Variants in LIN28B observed in about 807,000 individuals in gnomAD.
The protein encoded by LIN28B is lin-28 RNA binding posttranscriptional regulator B, also known as protein lin-28 homolog B.
In LIN28B, 5 loss-of-function variants were observed where a neutral mutation model predicts 21.9. That is an observed-to-expected ratio of 0.23 (90% CI 0.12 to 0.48). The LOEUF is 0.48. Among genes scored for constraint, LIN28B ranks in the 20% least tolerant of loss-of-function variants. LIN28B has a pLI of 0.98. For synonymous variants in LIN28B, 109 were observed against 111.3 expected (o/e 0.98, Z 0.13); for missense variants, 245 against 310.5 (o/e 0.79, Z 1.58).
intron 3 of LIN28B, among the ~76,000 whole-genome samples, chr6:105,063,129 T>A (rs2114403801): frequency 6.6e-6 from 1 of 152,296 alleles, no homozygotes; most frequent in African/African-American, 2.4e-5. Context: ...ATTGATTCAG[T>A]GAATATTTAT....
At chr6:104,960,322 T>C (rs1769704888) in intron 2 of LIN28B, among the ~76,000 whole-genome samples, 1 of 152,160 alleles carries the variant, frequency 6.6e-6, no homozygotes, top group African/African-American at 2.4e-5. Context: ...TGGTTGTAAA[T>C]GATACAGGTA....
intron 2 of LIN28B, among the ~76,000 whole-genome samples, chr6:104,975,265 A>T (rs992052200): frequency 6.6e-6 from 1 of 151,474 alleles, no homozygotes; most frequent in African/African-American, 2.5e-5. Flanking sequence ...ATAATAGAAT[A>T]TCTAATATTT....
At chr6:105,069,569 T>TAAA in intron 3 of LIN28B, among the ~76,000 whole-genome samples, 1 of 141,854 alleles carries the variant, frequency 7.0e-6, no homozygotes, top group Non-Finnish European at 1.5e-5. Flanking sequence ...TACAAAAAAT[T>TAAA]TAAAAAAAAA....
chr6:104,979,466 C>T (rs1015613614), intron 2 of LIN28B, among the ~76,000 whole-genome samples: 5 of 152,078 alleles, frequency 3.3e-5, no homozygotes, highest in African/African-American at 1.2e-4. Flanking sequence ...GCCTTGGCCT[C>T]CCAAAGTGCT....
At chr6:105,058,664 T>C (rs1324932630) in intron 3 of LIN28B, among the ~76,000 whole-genome samples, 1 of 152,212 alleles carries the variant, frequency 6.6e-6, no homozygotes, top group Non-Finnish European at 1.5e-5. Context: ...TTTTCCAGCA[T>C]TTTTAGTTGT....
intron 2 of LIN28B, among the ~76,000 whole-genome samples, chr6:104,949,797 C>T (rs1452103249): frequency 1.3e-5 from 2 of 152,054 alleles, no homozygotes; most frequent in Admixed American, 6.6e-5. Flanking sequence ...TGTGTTGTGG[C>T]ATCTGCCAAT....
upstream of LIN28B, among the ~76,000 whole-genome samples, chr6:104,956,575 G>C (rs1407427986): frequency 6.6e-6 from 1 of 152,030 alleles, no homozygotes; most frequent in African/African-American, 2.4e-5. Context: ...ATTATCTAAA[G>C]TTTCATGGGG....
intron 2 of LIN28B, among the ~76,000 whole-genome samples, chr6:104,938,785 C>T (rs1778045173): frequency 6.6e-6 from 1 of 152,052 alleles, no homozygotes; most frequent in African/African-American, 2.4e-5. Flanking sequence ...TCATCATCGC[C>T]CCTTTCGGGT....
At chr6:105,051,936 G>T (rs1324478954) in intron 3 of LIN28B, among the ~76,000 whole-genome samples, 1 of 152,188 alleles carries the variant, frequency 6.6e-6, no homozygotes, top group Non-Finnish European at 1.5e-5. Flanking sequence ...AGTGATAAAT[G>T]CTGTGAAGAA....
At chr6:105,023,210 G>GAT (rs370667791) in intron 2 of LIN28B, among the ~76,000 whole-genome samples, 32,371 of 68,800 alleles carry the variant, frequency 0.47, 9,074 homozygotes, top group East Asian at 0.66. Context: ...GTTTCTTATG[G>GAT]ATATATATAT....
chr6:104,976,894 T>C (rs1350117970), intron 2 of LIN28B, among the ~76,000 whole-genome samples: 1 of 152,226 alleles, frequency 6.6e-6, no homozygotes, highest in Admixed American at 6.5e-5. Flanking sequence ...GCCCTTACCC[T>C]GAACATTGCT....
chr6:104,974,553 C>T (rs1770047598), intron 2 of LIN28B, among the ~76,000 whole-genome samples: 1 of 150,112 alleles, frequency 6.7e-6, no homozygotes, highest in Non-Finnish European at 1.5e-5. Context: ...ACTCTATAAA[C>T]CGTAGTGTAA....
chr6:105,004,010 G>A (rs141300157), intron 2 of LIN28B, among the ~76,000 whole-genome samples: 3,293 of 152,254 alleles, frequency 0.022, 129 homozygotes, highest in African/African-American at 0.076. Context: ...TCTGCATGCT[G>A]AGGAGCAAGG....
chr6:104,960,276 CCTA>C (rs1393707692), intron 2 of LIN28B, among the ~76,000 whole-genome samples: 4 of 152,080 alleles, frequency 2.6e-5, no homozygotes, highest in Admixed American at 2.6e-4. Flanking sequence ...AGGCAGGAAT[CCTA>C]CTGATGTTAG....
intron 2 of LIN28B, among the ~76,000 whole-genome samples, chr6:104,967,606 A>G (rs575803610): frequency 6.7e-6 from 1 of 150,010 alleles, no homozygotes; most frequent in Admixed American, 6.6e-5. Context: ...AAAAGAAAGA[A>G]AGAAATTTAT....
intron 2 of LIN28B, among the ~76,000 whole-genome samples, chr6:104,970,115 A>G (rs557050113): frequency 5.9e-5 from 9 of 152,288 alleles, no homozygotes; most frequent in Non-Finnish European, 1.0e-4. Context: ...AAAAGCTTCA[A>G]TATTGTTTAT....
chr6:104,940,128 G>A (rs1051998764), intron 2 of LIN28B: 8 of 167,780 alleles, frequency 4.8e-5, no homozygotes, highest in African/African-American at 1.9e-4. Context: ...CCAAACTTCT[G>A]GCATTGTCTA....
At chr6:105,007,256 G>C (rs1270370329) in intron 2 of LIN28B, among the ~76,000 whole-genome samples, 1 of 152,134 alleles carries the variant, frequency 6.6e-6, no homozygotes, top group African/African-American at 2.4e-5. Flanking sequence ...TATTGAAACA[G>C]TTTCAATTTG....
chr6:105,076,856 G>C (rs1402421795), intron 3 of LIN28B, among the ~76,000 whole-genome samples: 2 of 151,670 alleles, frequency 1.3e-5, no homozygotes, highest in Non-Finnish European at 2.9e-5. Context: ...CGCCTGTCTC[G>C]GTCTCCCAAA....
Sources: gnomAD v4.1 joint callset for allele counts (sites outside exome capture counted in the v4.1 genomes callset) on GRCh38, gnomAD v4.1.1 for gene constraint, MANE v1.5 for transcripts, NCBI Gene and HGNC (gene_info 2026-07-23, HGNC 2026-07-21) for gene names.